The following RICTOR variants were observed in gnomAD, a reference collection of about 807,000 sequenced individuals.
The protein encoded by RICTOR is RPTOR independent companion of MTOR complex 2.
In RICTOR, 49 loss-of-function variants were observed where a neutral mutation model predicts 214.9. The ratio of observed to expected loss-of-function variants is 0.23; its 90% CI spans 0.18 to 0.29. The LOEUF (loss-of-function observed/expected upper bound fraction) is 0.29. Ranked by LOEUF, RICTOR falls within the 10% of genes least tolerant of loss-of-function variation. The pLI, the probability that RICTOR is intolerant of heterozygous loss-of-function variation, is 1.00. For synonymous variants in RICTOR, 717 were observed against 711.3 expected, an observed-to-expected ratio of 1.01 and a Z score of -0.13; for missense variants, 1,625 against 2,047.0, an observed-to-expected ratio of 0.79 and a Z score of 3.98.
chr5:38,957,067 C>T (rs2112901550), intron 25 of RICTOR, among the ~76,000 whole-genome samples: 1 of 152,152 alleles, frequency 6.6e-6, no homozygotes, highest in African/African-American at 2.4e-5. Flanking sequence ...GCTTCGATGA[C>T]TTATAATACT....
At chr5:39,066,778 T>C (rs576035512) in intron 2 of RICTOR, among the ~76,000 whole-genome samples, 29 of 152,338 alleles carry the variant, frequency 1.9e-4, no homozygotes, top group African/African-American at 6.5e-4. Context: ...CACAGGTCCC[T>C]ACAGAATGAA....
At chr5:38,965,219 A>T (rs1419739662) in intron 15 of RICTOR, among the ~76,000 whole-genome samples, 2 of 152,040 alleles carry the variant, frequency 1.3e-5, no homozygotes. Context: ...AAAACATTAC[A>T]GGAATCAACC....
intron 2 of RICTOR, among the ~76,000 whole-genome samples, chr5:39,068,828 G>T (rs1198697373): frequency 1.3e-5 from 2 of 152,158 alleles, no homozygotes; most frequent in African/African-American, 4.8e-5. Context: ...GAGGATGGCG[G>T]AAATACCTAG....
At chr5:39,039,243 T>C (rs1756981719) in intron 2 of RICTOR, among the ~76,000 whole-genome samples, 1 of 152,156 alleles carries the variant, frequency 6.6e-6, no homozygotes, top group Non-Finnish European at 1.5e-5. Flanking sequence ...TAAATGGTGC[T>C]GGGAAAACTG....
chr5:39,035,587 G>A (rs890985807), intron 2 of RICTOR, among the ~76,000 whole-genome samples: 17 of 152,108 alleles, frequency 1.1e-4, no homozygotes, highest in Admixed American at 2.0e-4. Flanking sequence ...AAAATTAGAC[G>A]AATGGCTAAC....
At position 39,012,277 on chromosome 5, in the gene RICTOR, C is replaced by A. The variant is rs78626353; in HGVS notation, c.196-8655G>T. Reference sequence around the variant, plus strand: ...TATAAGGAGCTGCCTTCCCCCTTCACTCAACACTCATTTATCTCTCCTGCC... The same window carrying A: ...TATAAGGAGCTGCCTTCCCCCTTCAATCAACACTCATTTATCTCTCCTGCC... On this transcript the variant is annotated intron_variant, in intron 3 of 37. Transcript: ENST00000357387. Among the ~76,000 whole-genome samples, 334 of 152,250 alleles carry A rather than the reference C, an allele frequency of 2.2e-3. 1 individual carries two copies. Among genetic ancestry groups the A allele is most frequent in the African/African-American group, 7.6e-3 (315 of 41,544 alleles).
chr5:39,010,691 G>C (rs1318939681), intron 3 of RICTOR, among the ~76,000 whole-genome samples: 2 of 152,218 alleles, frequency 1.3e-5, no homozygotes, highest in Non-Finnish European at 2.9e-5. Context: ...TTAACAAAGA[G>C]ACTGACAGCA....
At chr5:39,024,042 C>T (rs1463361698) in intron 2 of RICTOR, among the ~76,000 whole-genome samples, 1 of 152,156 alleles carries the variant, frequency 6.6e-6, no homozygotes, top group African/African-American at 2.4e-5. Flanking sequence ...TGGGATGAAA[C>T]TGTTTCACCT....
At chr5:38,966,187 A>C (rs1242702934) in intron 15 of RICTOR, among the ~76,000 whole-genome samples, 1 of 152,248 alleles carries the variant, frequency 6.6e-6, no homozygotes, top group African/African-American at 2.4e-5. Flanking sequence ...TATAATGTTC[A>C]ACCAAGACTA....
At position 39,029,620 on chromosome 5, in the gene RICTOR, G is replaced by A. The variant is rs181609704; in HGVS notation, c.98-8484C>T. 5.3e-4 allele frequency among the ~76,000 whole-genome samples: 80 copies of A among 152,118 alleles called. 1 individual carries two copies. The highest frequency in any genetic ancestry group is 1.9e-3 in the African/African-American group (77 of 41,522). On this transcript the variant is annotated intron_variant, in intron 2 of 37. Coordinates refer to ENST00000357387, the MANE Select transcript of RICTOR (RefSeq NM_152756.5). The stretch of plus-strand genomic sequence containing the variant: ...CATGCACATGCTACTTGGGAGTAAT[G>A]GAAAGGAAAAAAAACCTTTGGAATA...
intron 7 of RICTOR, among the ~76,000 whole-genome samples, chr5:38,985,657 T>C (rs567042854): frequency 6.6e-6 from 1 of 152,284 alleles, no homozygotes; most frequent in Non-Finnish European, 1.5e-5. Context: ...GCCCCAGTTT[T>C]TTCCCTGTTT....
chr5:39,074,196 C>T (rs767589252), intron 1 of RICTOR, 38 bp from the exon 2 acceptor site: 1 of 1,587,838 alleles, frequency 6.3e-7, no homozygotes, highest in Non-Finnish European at 8.6e-7. Context: ...TTAGGATTGG[C>T]TCGCAGGCCA....
rs1579847174 is a variant in RICTOR at position 38,942,302 on chromosome 5, G to A, written c.*2C>T. The A allele has an allele frequency of 2.6e-6, 4 of 1,568,566 alleles. No homozygotes were observed. The highest frequency in any genetic ancestry group is 3.5e-6 in the Non-Finnish European group (4 of 1,143,036). Reference sequence around the variant, plus strand: ...GTATCTATATCCATCATAAATATGAGGTCAGGATTCAGCAGATGTATCAAC... The same window carrying A: ...GTATCTATATCCATCATAAATATGAAGTCAGGATTCAGCAGATGTATCAAC... On this transcript the variant is annotated 3_prime_UTR_variant, in exon 38 of 38. Coordinates refer to ENST00000357387, the MANE Select transcript of RICTOR (RefSeq NM_152756.5).
intron 2 of RICTOR, among the ~76,000 whole-genome samples, chr5:39,046,028 A>AAAATAAAT (rs141969707): frequency 0.097 from 13,644 of 140,110 alleles, 1,398 homozygotes; most frequent in African/African-American, 0.26. Context: ...TCTGTCTTTA[A>AAAATAAAT]AAATAAATAA....
Position 39,064,381 on chromosome 5 carries a change from A to C in RICTOR, c.97+9730T>G, listed in dbSNP as rs576955323. 2.0e-5 allele frequency among the ~76,000 whole-genome samples: 3 copies of C among 152,362 alleles called. No individual in the cohort carries two copies. The East Asian group carries it at 5.8e-4, about 29-fold the overall frequency. ...TGCTTAGGAAACAAAAATCTGTGCT[A>C]ATAATTCAAATAAAATGTAAAAGAA... is the stretch of plus-strand genomic sequence containing the variant. On this transcript the variant is annotated intron_variant, in intron 2 of 37. Coordinates refer to ENST00000357387, the MANE Select transcript of RICTOR (RefSeq NM_152756.5).
chr5:38,997,653 T>A (rs778059668), intron 5 of RICTOR, among the ~76,000 whole-genome samples: 21 of 147,190 alleles, frequency 1.4e-4, no homozygotes, highest in East Asian at 2.0e-4. Context: ...CAAGAAGATT[T>A]AAAAAAAAAA....
chr5:38,943,859 C>A (rs1466115052), intron 36 of RICTOR, among the ~76,000 whole-genome samples: 1 of 152,002 alleles, frequency 6.6e-6, no homozygotes. Context: ...GCAGGAGACC[C>A]TGAGGTGCAT....
rs1360058507 is a variant in RICTOR, at chr5:38,975,614, G to T, written c.822-10C>A. ...TGCTTCTCTGTCTTCTCTGTTGGGG[G>T]TGGGGAGGCAGCGGGGAGAATCAAT... On this transcript the variant is annotated splice_polypyrimidine_tract_variant and intron_variant, in intron 9 of 37. Transcript: ENST00000357387. 2 of 1,611,106 alleles carry T rather than the reference G, an allele frequency of 1.2e-6. No homozygotes were observed. The highest frequency in any genetic ancestry group is 2.2e-5 in the South Asian group (2 of 90,988).
chr5:39,056,970 T>G (rs1758246208), intron 2 of RICTOR, among the ~76,000 whole-genome samples: 1 of 152,214 alleles, frequency 6.6e-6, no homozygotes. Context: ...TTGCATATAG[T>G]GGCAATTTAT....
Sources: gnomAD v4.1 joint callset for allele counts (sites outside exome capture counted in the v4.1 genomes callset) on GRCh38, gnomAD v4.1.1 for gene constraint, MANE v1.5 for transcripts, NCBI Gene and HGNC (gene_info 2026-07-23, HGNC 2026-07-21) for gene names.